SGCZ: variants seen among roughly 807,000 people sequenced by gnomAD.
The protein encoded by SGCZ is sarcoglycan zeta, also known as zeta-sarcoglycan.
In SGCZ, 40 loss-of-function variants were observed where a neutral mutation model predicts 41.3. The ratio of observed to expected loss-of-function variants is 0.97; its 90% CI spans 0.75 to 1.26. The LOEUF (loss-of-function observed/expected upper bound fraction) is 1.26. SGCZ is among the 50% of genes most tolerant of loss of function. The probability of loss-of-function intolerance (pLI) is 0.00; values close to 1 mark genes in which losing one functional copy is unlikely to be tolerated. For synonymous variants in SGCZ, 206 were observed against 137.5 expected (o/e 1.50, Z -3.49); for missense variants, 552 against 369.8 (o/e 1.49, Z -4.04).
At chr8:15,095,984 C>T (rs1364560716) in intron 1 of SGCZ, among the ~76,000 whole-genome samples, 2 of 152,140 alleles carry the variant, frequency 1.3e-5, no homozygotes, top group African/African-American at 4.8e-5. Flanking sequence ...ATGAGCAGTT[C>T]TGTGTTTTGA....
intron 1 of SGCZ, among the ~76,000 whole-genome samples, chr8:14,955,946 T>G (rs1005071323): frequency 6.6e-6 from 1 of 152,118 alleles, no homozygotes; most frequent in Admixed American, 6.6e-5. Context: ...TTAGAGATTC[T>G]CTAAAACTTT....
intron 5 of SGCZ, among the ~76,000 whole-genome samples, chr8:14,150,679 C>T (rs1803673496): frequency 6.6e-6 from 1 of 152,030 alleles, no homozygotes; most frequent in South Asian, 2.1e-4. Flanking sequence ...TGGGTGTACA[C>T]ACAAAAGAAG....
chr8:14,424,256 G>A (rs1045107573), intron 2 of SGCZ, among the ~76,000 whole-genome samples: 1 of 152,134 alleles, frequency 6.6e-6, no homozygotes, highest in African/African-American at 2.4e-5. Context: ...AGGCTTCTCT[G>A]CAATGTTAGG....
At chr8:14,365,287 T>C (rs7824519) in intron 2 of SGCZ, among the ~76,000 whole-genome samples, 1 of 151,800 alleles carries the variant, frequency 6.6e-6, no homozygotes, top group Non-Finnish European at 1.5e-5. Flanking sequence ...TCCACTTTTG[T>C]CCATTTCACT....
At chr8:14,284,869 GT>G (rs1405566586) in intron 3 of SGCZ, among the ~76,000 whole-genome samples, 1 of 152,016 alleles carries the variant, frequency 6.6e-6, no homozygotes, top group Non-Finnish European at 1.5e-5. Flanking sequence ...TCATCTGTAT[GT>G]TTTTTCTGTT....
intron 4 of SGCZ, among the ~76,000 whole-genome samples, chr8:14,228,126 G>C (rs189139968): frequency 2.6e-5 from 4 of 152,092 alleles, no homozygotes; most frequent in Admixed American, 2.0e-4. Flanking sequence ...CCTTACATTA[G>C]TGAACATTAT....
chr8:14,223,055 C>T (rs1406054786), intron 4 of SGCZ, among the ~76,000 whole-genome samples: 1 of 152,030 alleles, frequency 6.6e-6, no homozygotes, highest in Non-Finnish European at 1.5e-5. Context: ...CATGATCCAC[C>T]TACCTCGGCC....
At chr8:14,405,232 T>C (rs1056399421) in intron 2 of SGCZ, among the ~76,000 whole-genome samples, 4 of 152,238 alleles carry the variant, frequency 2.6e-5, no homozygotes, top group African/African-American at 9.6e-5. Context: ...CATAGATTCA[T>C]TTTTATGACT....
intron 1 of SGCZ, among the ~76,000 whole-genome samples, chr8:15,162,472 T>A (rs268413): frequency 6.6e-6 from 1 of 152,116 alleles, no homozygotes; most frequent in Non-Finnish European, 1.5e-5. Context: ...TAGCTACAAG[T>A]CACGTGGATA....
intron 1 of SGCZ, among the ~76,000 whole-genome samples, chr8:14,645,638 C>T (rs1374831454): frequency 2.0e-5 from 3 of 151,366 alleles, no homozygotes; most frequent in African/African-American, 7.3e-5. Context: ...TATCTTGGAA[C>T]ACTTATAACA....
intron 1 of SGCZ, among the ~76,000 whole-genome samples, chr8:14,557,840 C>T (rs1244578547): frequency 6.6e-6 from 1 of 151,904 alleles, no homozygotes; most frequent in Non-Finnish European, 1.5e-5. Context: ...GAAATTGAAA[C>T]AAACAAACAA....
intron 4 of SGCZ, among the ~76,000 whole-genome samples, chr8:14,222,792 A>ATT (rs775444301): frequency 2.0e-4 from 10 of 48,896 alleles, no homozygotes; most frequent in African/African-American, 7.3e-4. Context: ...AGTCACAGTG[A>ATT]TTTTTTTTTT....
chr8:14,089,406 C>G lies in SGCZ; in HGVS notation c.*1037G>C, dbSNP rs556455258. On this transcript the variant is annotated 3_prime_UTR_variant, in exon 8 of 8. Coordinates refer to ENST00000382080, the MANE Select transcript of SGCZ (RefSeq NM_139167.4). Reference sequence around the variant, plus strand: ...AATAAAAAATAGATGGAGAATAATTCTGAAGATGATACCCCAATGGAAAGA... The same window carrying G: ...AATAAAAAATAGATGGAGAATAATTGTGAAGATGATACCCCAATGGAAAGA... Among the ~76,000 whole-genome samples the G allele has an allele frequency of 4.6e-5, 7 of 152,082 alleles. No homozygotes were observed. In the East Asian group the frequency reaches 1.4e-3, roughly 29 times the overall value.
At chr8:14,746,646 G>C (rs192516194) in intron 1 of SGCZ, among the ~76,000 whole-genome samples, 21 of 152,216 alleles carry the variant, frequency 1.4e-4, no homozygotes, top group Non-Finnish European at 2.4e-4. Flanking sequence ...AAAGAGAAAA[G>C]ATACTACACT....
At chr8:14,926,544 C>T (rs1044450240) in intron 1 of SGCZ, among the ~76,000 whole-genome samples, 3 of 152,112 alleles carry the variant, frequency 2.0e-5, no homozygotes, top group African/African-American at 7.2e-5. Flanking sequence ...ATTTCACCAT[C>T]CTGATTTCTT....
intron 2 of SGCZ, among the ~76,000 whole-genome samples, chr8:14,524,241 C>G (rs1802874036): frequency 6.6e-6 from 1 of 151,672 alleles, no homozygotes; most frequent in Non-Finnish European, 1.5e-5. Context: ...CCTCTGGCAC[C>G]ACAAGAGCAA....
chr8:14,117,730 C>T (rs1035475487), intron 5 of SGCZ, among the ~76,000 whole-genome samples: 1 of 151,362 alleles, frequency 6.6e-6, no homozygotes, highest in Admixed American at 6.6e-5. Context: ...GTTATCCCTC[C>T]CTTAGTCCCA....
At chr8:14,288,269 A>G (rs1471533446) in intron 3 of SGCZ, among the ~76,000 whole-genome samples, 1 of 152,130 alleles carries the variant, frequency 6.6e-6, no homozygotes, top group East Asian at 1.9e-4. Flanking sequence ...TTTTTATTGC[A>G]TTGAAATACA....
chr8:14,483,697 C>G (rs1045468626), intron 2 of SGCZ, among the ~76,000 whole-genome samples: 15 of 152,062 alleles, frequency 9.9e-5, no homozygotes, highest in African/African-American at 3.6e-4. Flanking sequence ...ACATTTGATC[C>G]TGAACTACTA....
Sources: allele counts gnomAD v4.1 joint callset (sites outside exome capture counted in the v4.1 genomes callset), GRCh38; gene constraint gnomAD v4.1.1; transcripts MANE v1.5; gene names NCBI Gene and HGNC (gene_info 2026-07-23, HGNC 2026-07-21).